The following ANKRD17 variants were observed in gnomAD, a reference collection of about 807,000 sequenced individuals.
ANKRD17 encodes ankyrin repeat domain-containing protein 17.
A neutral mutation model predicts 229.7 loss-of-function variants in ANKRD17; 19 were observed. The observed-to-expected ratio is 0.08, with a 90% CI of 0.06 to 0.12. The LOEUF is 0.12. Ranked by LOEUF, ANKRD17 falls within the 10% of genes least tolerant of loss-of-function variation. The pLI is 1.00. For synonymous variants in ANKRD17, 1,112 were observed against 1,146.1 expected (o/e 0.97, Z 0.60); for missense variants, 2,176 against 3,176.8 (o/e 0.68, Z 7.57).
At chr4:73,182,051 CAAAAAAAAAAAAAAAAAAAAA>C (rs143812968) in intron 1 of ANKRD17, among the ~76,000 whole-genome samples, 65 of 43,264 alleles carry the variant, frequency 1.5e-3, no homozygotes, top group South Asian at 3.2e-3. Context: ...CCGTCCCCAC[CAAAAAAAAAAAAAAAAAAAAA>C]AAAAAAAAAA....
At chr4:73,168,068 C>T (rs1733466426) in intron 2 of ANKRD17, among the ~76,000 whole-genome samples, 1 of 151,738 alleles carries the variant, frequency 6.6e-6, no homozygotes, top group South Asian at 2.1e-4. Context: ...CAGGAGAATG[C>T]CATGAACCCG....
At chr4:73,113,941 A>G in intron 23 of ANKRD17, 33 bp from the exon 24 acceptor site, 1 of 1,478,120 alleles carries the variant, frequency 6.8e-7, no homozygotes, top group East Asian at 2.3e-5. Context: ...TTCCAGGCTC[A>G]CAGAACAATT....
Position 73,076,210 on chromosome 4 carries a change from AG to A in ANKRD17, c.*20del. 6.3e-7 allele frequency: 1 copy of A among 1,588,870 alleles called. No homozygotes were observed. The highest frequency in any genetic ancestry group is 8.5e-7 in the Non-Finnish European group (1 of 1,172,186). On this transcript the variant is annotated 3_prime_UTR_variant, in exon 34 of 34. Coordinates refer to ENST00000358602, the MANE Select transcript of ANKRD17 (RefSeq NM_032217.5). ...TTCCTCCAAATGAAAAGGAATCTGC[AG>A]GCTAACAAGCTGATCCTCATCAGCC...
intron 1 of ANKRD17, among the ~76,000 whole-genome samples, chr4:73,178,629 C>T (rs771069578): frequency 1.3e-5 from 2 of 152,010 alleles, no homozygotes; most frequent in African/African-American, 2.4e-5. Flanking sequence ...AGTCAAGTAA[C>T]ATCTCAATAT....
Position 73,076,921 on chromosome 4 carries a change from A to G in ANKRD17, c.7752+19T>C, listed in dbSNP as rs756182433. The G allele has an allele frequency of 6.3e-7, 1 of 1,598,642 alleles. No individual in the cohort carries two copies. Among genetic ancestry groups the G allele is most frequent in the South Asian group, 1.1e-5 (1 of 88,190 alleles). Reference sequence around the variant, plus strand: ...TTAAACACAAAACAACTGTTTATTCACTGAATGATCAGCCTCACCGTTTGA... The same window carrying G: ...TTAAACACAAAACAACTGTTTATTCGCTGAATGATCAGCCTCACCGTTTGA... On this transcript the variant is annotated intron_variant, in intron 33 of 33. Coordinates refer to ENST00000358602, the MANE Select transcript of ANKRD17 (RefSeq NM_032217.5).
At chr4:73,258,190 C>G (rs1214941847) in intron 1 of ANKRD17, 86 bp downstream of exon 1, 8 of 1,589,258 alleles carry the variant, frequency 5.0e-6, no homozygotes, top group Non-Finnish European at 6.0e-6. Flanking sequence ...CCACTGGAAT[C>G]TGTCCCACTC....
At chr4:73,168,872 T>C (rs1733592336) in intron 2 of ANKRD17, 1 of 152,162 alleles carries the variant, frequency 6.6e-6, no homozygotes, top group Admixed American at 6.5e-5. Flanking sequence ...GGGTACAGAT[T>C]ATTTCATCAC....
At chr4:73,232,942 C>T (rs1339012441) in intron 1 of ANKRD17, among the ~76,000 whole-genome samples, 1 of 152,090 alleles carries the variant, frequency 6.6e-6, no homozygotes, top group Non-Finnish European at 1.5e-5. Context: ...AGGCTGGTCT[C>T]GAACTCCTAA....
intron 6 of ANKRD17, among the ~76,000 whole-genome samples, chr4:73,151,728 A>G (rs1297221344): frequency 6.6e-6 from 1 of 152,196 alleles, no homozygotes; most frequent in African/African-American, 2.4e-5. Context: ...ACTGCCCTAT[A>G]AACTGCTGCT....
At position 73,161,288 on chromosome 4, in the gene ANKRD17, C is replaced by T; in HGVS notation, c.608G>A (p.Arg203Lys). ...CGCACAACTAACAGACGATGTCAAC[C>T]TCCGAAGTACTTCAGGATCTGCAAA... ...KAFADPEVLR[R>K]LTSSVSCALD... is the part of the protein sequence containing the mutation. Residue 203 changes from arginine (R) to lysine (K), a missense_variant, in exon 3 of 34, where the codon AGG becomes AAG. Around this residue, in one of 18 missense-constraint regions of ANKRD17, gnomAD observed 184 missense variants for 357.8 expected, o/e 0.51. Coordinates refer to ENST00000358602, the MANE Select transcript of ANKRD17 (RefSeq NM_032217.5). The T allele has an allele frequency of 6.2e-7, 1 of 1,614,256 alleles. No individual in the cohort carries two copies. Among genetic ancestry groups the T allele is most frequent in the Non-Finnish European group, 8.5e-7 (1 of 1,180,050 alleles).
intron 21 of ANKRD17, among the ~76,000 whole-genome samples, chr4:73,119,934 T>C (rs1344619116): frequency 2.0e-5 from 3 of 152,122 alleles, no homozygotes; most frequent in East Asian, 1.9e-4. Context: ...AAAAGTAATA[T>C]AGACAAGAAT....
At chr4:73,097,070 A>G (rs747208345) in intron 27 of ANKRD17, 47 bp downstream of exon 27, 3 of 1,555,020 alleles carry the variant, frequency 1.9e-6, no homozygotes, top group South Asian at 1.2e-5. Flanking sequence ...ATAACACTTG[A>G]CTGTGATATA....
chr4:73,077,472 G>T lies in ANKRD17; in HGVS notation c.7470C>A (p.Asp2490Glu), dbSNP rs1196149362. The T allele has an allele frequency of 2.0e-5, 32 of 1,613,550 alleles. No individual in the cohort carries two copies. Among genetic ancestry groups the T allele is most frequent in the Non-Finnish European group, 2.6e-5 (31 of 1,179,796 alleles). The change falls in exon 32 of 34, where the codon GAC becomes GAA. Residue 2490 changes from aspartate (D) to glutamate (E), a missense_variant. By Grantham distance (45) the Asp-to-Glu change is conservative (BLOSUM62 2). Around this residue, in one of 18 missense-constraint regions of ANKRD17, gnomAD observed 159 missense variants for 214.3 expected, o/e 0.74. Coordinates refer to ENST00000358602, the MANE Select transcript of ANKRD17 (RefSeq NM_032217.5). ...GNPMIHRPMS[D>E]PGVFSQHQAM... is the part of the protein sequence containing the mutation. The stretch of plus-strand genomic sequence containing the variant: ...CTTGATGTTGTGAAAATACTCCTGG[G>T]TCAGACATCGGTCTGTGGATCATAG...
At chr4:73,220,462 C>T (rs1741701765) in intron 1 of ANKRD17, among the ~76,000 whole-genome samples, 1 of 152,046 alleles carries the variant, frequency 6.6e-6, no homozygotes, top group African/African-American at 2.4e-5. Flanking sequence ...TCCACCTTTT[C>T]TAATTTTATT....
At chr4:73,228,117 CTT>C in intron 1 of ANKRD17, among the ~76,000 whole-genome samples, 2 of 152,230 alleles carry the variant, frequency 1.3e-5, no homozygotes, top group African/African-American at 4.8e-5. Context: ...TAGTATCTCT[CTT>C]TTTCTCTTTT....
intron 25 of ANKRD17, chr4:73,099,213 C>A: frequency 1.6e-6 from 1 of 610,770 alleles, no homozygotes; most frequent in Non-Finnish European, 3.1e-6. Context: ...TTTTGCTCCG[C>A]TCCCACCGCC....
intron 30 of ANKRD17, among the ~76,000 whole-genome samples, chr4:73,084,987 C>A (rs892973220): frequency 1.1e-4 from 17 of 151,492 alleles, no homozygotes; most frequent in African/African-American, 3.4e-4. Flanking sequence ...ACGAAACCAG[C>A]GAGGGCAACA....
intron 1 of ANKRD17, among the ~76,000 whole-genome samples, chr4:73,254,985 A>G (rs1162797267): frequency 2.0e-5 from 3 of 152,186 alleles, no homozygotes; most frequent in Non-Finnish European, 2.9e-5. Context: ...TATTTTCCAT[A>G]TTGGTCAGTC....
chr4:73,189,856 T>C (rs1736814397), intron 1 of ANKRD17, among the ~76,000 whole-genome samples: 1 of 152,198 alleles, frequency 6.6e-6, no homozygotes, highest in Non-Finnish European at 1.5e-5. Flanking sequence ...AACACCAGTG[T>C]GTGACATAGT....
Sources: gnomAD v4.1 joint callset for allele counts (sites outside exome capture counted in the v4.1 genomes callset) on GRCh38, gnomAD v4.1.1 for gene constraint, gnomAD v4.1.1 regional missense constraint, MANE v1.5 for transcripts, NCBI Gene and HGNC (gene_info 2026-07-23, HGNC 2026-07-21) for gene names.